Variants in ACSBG1 observed in about 807,000 individuals in gnomAD.
ACSBG1 encodes the protein long-chain-fatty-acid--CoA ligase ACSBG1.
Under a neutral mutation model 80.2 loss-of-function variants are expected in ACSBG1, and 39 were observed. That is an observed-to-expected ratio of 0.49 (90% CI 0.38 to 0.64). The LOEUF (loss-of-function observed/expected upper bound fraction) is 0.64, where lower values mean the gene tolerates loss of function less well. ACSBG1 is among the 30% of genes least tolerant of loss of function. The pLI, the probability that ACSBG1 is intolerant of heterozygous loss-of-function variation, is 0.00. For synonymous variants in ACSBG1, 392 were observed against 379.5 expected (o/e 1.03, Z -0.38); for missense variants, 828 against 966.4 (o/e 0.86, Z 1.90).
chr15:78,192,949 C>G (rs2075069667), intron 5 of ACSBG1, among the ~76,000 whole-genome samples: 1 of 152,122 alleles, frequency 6.6e-6, no homozygotes, highest in Admixed American at 6.6e-5. Context: ...GGGACAGAGC[C>G]AGTTAGGGGT....
intron 1 of ACSBG1, among the ~76,000 whole-genome samples, chr15:78,210,578 G>T (rs528850830): frequency 6.6e-6 from 1 of 152,154 alleles, no homozygotes; most frequent in East Asian, 1.9e-4. Flanking sequence ...GTTGTTGTTC[G>T]TAATGGTCGT....
chr15:78,225,570 T>C lies in ACSBG1; in HGVS notation c.131+8801A>G, dbSNP rs374882899. 1.2e-4 allele frequency among the ~76,000 whole-genome samples: 19 copies of C among 152,152 alleles called. No homozygotes were observed. The East Asian group carries it at 2.9e-3, about 23-fold the overall frequency. ...ACATGGTTGAGACAAATCAAAGACCTCAATTAATGGAAATGCATACCATGT... is the reference window on the plus strand; with the variant it reads ...ACATGGTTGAGACAAATCAAAGACCCCAATTAATGGAAATGCATACCATGT... On this transcript the variant is annotated intron_variant, in intron 1 of 13. Transcript: ENST00000258873.
intron 11 of ACSBG1, among the ~76,000 whole-genome samples, chr15:78,175,409 A>G (rs1043170337): frequency 6.6e-6 from 1 of 152,236 alleles, no homozygotes; most frequent in Non-Finnish European, 1.5e-5. Context: ...AAGGCTGCCC[A>G]TGGCTGCAAG....
At chr15:78,212,584 G>T (rs768754900) in intron 1 of ACSBG1, 1 of 455,976 alleles carries the variant, frequency 2.2e-6, no homozygotes, top group Non-Finnish European at 4.4e-6. Flanking sequence ...ACCTGAGCAG[G>T]AGCACCTCTG....
chr15:78,208,426 C>A (rs2075236239), intron 1 of ACSBG1, among the ~76,000 whole-genome samples: 1 of 152,158 alleles, frequency 6.6e-6, no homozygotes, highest in Non-Finnish European at 1.5e-5. Flanking sequence ...GGTCTCAGCA[C>A]CCCACCTGGA....
rs533699876 is a variant in ACSBG1, at chr15:78,172,348, C to T, written c.2090-819G>A. Among the ~76,000 whole-genome samples, 14 of 152,320 alleles carry T rather than the reference C, an allele frequency of 9.2e-5. No individual in the cohort carries two copies. In the South Asian group the frequency reaches 1.0e-3, roughly 11 times the overall value. On this transcript the variant is annotated intron_variant, in intron 13 of 13. Coordinates refer to ENST00000258873, the MANE Select transcript of ACSBG1 (RefSeq NM_015162.5). This position sits in a 1 kb window ranked among gnomAD's most constrained non-coding sequence, Gnocchi z 4.1. The stretch of plus-strand genomic sequence containing the variant: ...TGCATTTTTGTGAACGTTTATACAA[C>T]GTTGGACATTATGCTTTGATGGTTG...
At chr15:78,193,675 AC>A in intron 4 of ACSBG1, 49 bp from the exon 5 acceptor site, 4 of 1,572,062 alleles carry the variant, frequency 2.5e-6, no homozygotes, top group South Asian at 1.2e-5. Context: ...CAGAGGGGCC[AC>A]CCCCTTCCCC....
rs1367641114 is a variant in ACSBG1 at position 78,193,609 on chromosome 15, A to AT, written c.559dup (p.Ile187AsnfsTer16). 6.2e-7 allele frequency: 1 copy of AT among 1,613,610 alleles called. No homozygotes were observed. Reference sequence around the variant, plus strand: ...GGCCTCTGGGGAGCTGGTGGTGTAGATGCCAGTGACGATGCCACTGTAGGA... The same window carrying AT: ...GGCCTCTGGGGAGCTGGTGGTGTAGATTGCCAGTGACGATGCCACTGTAGGA... On this transcript the variant is annotated frameshift_variant, in exon 5 of 14. Coordinates refer to ENST00000258873, the MANE Select transcript of ACSBG1 (RefSeq NM_015162.5). LOFTEE classifies it high-confidence loss of function.
At chr15:78,214,979 C>T (rs2075295529) in intron 1 of ACSBG1, among the ~76,000 whole-genome samples, 1 of 152,202 alleles carries the variant, frequency 6.6e-6, no homozygotes, top group Non-Finnish European at 1.5e-5. Context: ...GACTCGAATA[C>T]TGGTCCTGAG....
At chr15:78,225,087 G>A (rs115707826) in intron 1 of ACSBG1, among the ~76,000 whole-genome samples, 2,361 of 152,220 alleles carry the variant, frequency 0.016, 59 homozygotes, top group African/African-American at 0.054. Flanking sequence ...AACAGCAACT[G>A]ACTAGAAAAT....
intron 1 of ACSBG1, chr15:78,212,564 G>T (rs2075276036): frequency 2.2e-6 from 1 of 455,880 alleles, no homozygotes; most frequent in Non-Finnish European, 4.4e-6. Flanking sequence ...CCTCAGGATG[G>T]AGCTGGCAGA....
At chr15:78,181,097 C>T (rs1376314186) in intron 8 of ACSBG1, 161 bp from the exon 9 acceptor site, 6 of 847,726 alleles carry the variant, frequency 7.1e-6, no homozygotes, top group East Asian at 2.7e-5. Context: ...CAATGGCTGT[C>T]GCCTTGCTTT....
rs759504064 is a variant in ACSBG1, at chr15:78,194,499, C to A, written c.453+7G>T. On this transcript the variant is annotated splice_region_variant and intron_variant, in intron 3 of 13. Transcript: ENST00000258873. ...GGGCAAGGCCTTGCCATGAGGGGCC[C>A]CCTTACCTTCAGGAAGCCCTTGGCG... 3 of 1,613,878 alleles carry A rather than the reference C, an allele frequency of 1.9e-6. No individual in the cohort carries two copies. The highest frequency in any genetic ancestry group is 2.5e-6 in the Non-Finnish European group (3 of 1,179,870).
At chr15:78,183,600 C>A (rs1268456356) in intron 5 of ACSBG1, among the ~76,000 whole-genome samples, 2 of 152,018 alleles carry the variant, frequency 1.3e-5, no homozygotes, top group African/African-American at 4.8e-5. Context: ...GAAGGTTAAA[C>A]CAAAACCTGA....
chr15:78,216,470 T>G (rs918135119), intron 1 of ACSBG1, among the ~76,000 whole-genome samples: 3 of 152,154 alleles, frequency 2.0e-5, no homozygotes, highest in African/African-American at 7.2e-5. Flanking sequence ...GTGATAGGCA[T>G]GGACTGTGGA....
intron 11 of ACSBG1, among the ~76,000 whole-genome samples, chr15:78,175,416 CAAGGAG>C: frequency 6.6e-6 from 1 of 152,228 alleles, no homozygotes; most frequent in South Asian, 2.1e-4. Flanking sequence ...CCCATGGCTG[CAAGGAG>C]CCCACAGTGC....
Position 78,177,105 on chromosome 15 carries a change from AT to A in ACSBG1, c.1702+1508del, listed in dbSNP as rs1318344297. On this transcript the variant is annotated intron_variant, in intron 11 of 13. Transcript: ENST00000258873. The surrounding 1 kb of genome is among the most constrained non-coding windows in gnomAD (Gnocchi z 4.1). The stretch of plus-strand genomic sequence containing the variant: ...TAGATTCAATGAAATCAAAATCAAA[AT>A]TCCACCCAGTTTTTGAGGAAACATA... Among the ~76,000 whole-genome samples, 1 of 152,220 alleles carries A rather than the reference AT, an allele frequency of 6.6e-6. No homozygotes were observed. The highest frequency in any genetic ancestry group is 1.5e-5 in the Non-Finnish European group (1 of 68,042).
intron 9 of ACSBG1, among the ~76,000 whole-genome samples, chr15:78,180,502 G>A (rs571407015): frequency 6.6e-6 from 1 of 152,254 alleles, no homozygotes; most frequent in Non-Finnish European, 1.5e-5. Flanking sequence ...CTCCTAGGGA[G>A]GTGAATTTCA....
chr15:78,180,636 T>C, intron 9 of ACSBG1, 119 bp downstream of exon 9: 5 of 1,366,158 alleles, frequency 3.7e-6, no homozygotes, highest in Non-Finnish European at 4.9e-6. Flanking sequence ...GCACGGGGTC[T>C]CCAGAGCTGC....
Sources: allele counts gnomAD v4.1 joint callset (sites outside exome capture counted in the v4.1 genomes callset), GRCh38; gene constraint gnomAD v4.1.1; non-coding constraint Gnocchi (gnomAD v3.1); transcripts MANE v1.5; gene names NCBI Gene and HGNC (gene_info 2026-07-23, HGNC 2026-07-21).